MALAT1: variants seen among roughly 807,000 people sequenced by gnomAD.
The protein encoded by MALAT1 is metastasis associated lung adenocarcinoma transcript 1, also known as hepcarcin.
chr11:65,500,373 C>CT (rs1307416404), exon 3 of MALAT1: 1 of 518,896 alleles, frequency 1.9e-6, no homozygotes, highest in Non-Finnish European at 3.8e-6. Flanking sequence ...ATCCTGAGGA[C>CT]TAGCATTAAT....
chr11:65,504,804 TAATTCTTACATGCAGGAACAC>T, intron 3 of MALAT1: 1 of 519,022 alleles, frequency 1.9e-6, no homozygotes, highest in South Asian at 1.4e-5. Flanking sequence ...CCCTTGGTCT[TAATTCTTACATGCAGGAACAC>T]TCAGCAGACA....
In MALAT1 at chr11:65,502,528, T is replaced by C. The variant is rs80314015; in HGVS notation, n.3791T>C. On this transcript the variant is annotated non_coding_transcript_exon_variant, in exon 3 of 4. Coordinates refer to ENST00000619449, the Ensembl canonical transcript of MALAT1. ...TTGTAAATTGTTTATTTTAAACTTA[T>C]CTGTTTGTAAATTGTAACTGATTAA... 6.7e-4 allele frequency: 325 copies of C among 485,360 alleles called. 4 individuals carry two copies. In the East Asian group the frequency reaches 0.011, roughly 16 times the overall value. The allele number at this position is 485,360 out of a possible 1,614,324, so 30.1% of individuals were successfully genotyped here.
rs747111404 is a variant in MALAT1, at chr11:65,499,259, G to GAAAA, written n.522_523insAAAA. ...AGAGAAAATATGAAGACTTAGAAGA[G>GAAAA]TAGCATGAGGAAGGAAAAGATAAAA... On this transcript the variant is annotated non_coding_transcript_exon_variant, in exon 3 of 4. Transcript: ENST00000619449. 2.5e-4 allele frequency: 127 copies of GAAAA among 513,478 alleles called. 3 individuals carry two copies. The highest frequency in any genetic ancestry group is 1.6e-3 in the South Asian group (113 of 70,298). The allele number at this position is 513,478 out of a possible 1,614,324, so 31.8% of individuals were successfully genotyped here. A position where few individuals can be genotyped will look rare whatever the true frequency, so the allele number is the denominator to read the frequency against.
At chr11:65,499,860 CAA>C (rs559192526) in exon 3 of MALAT1, 157 of 422,342 alleles carry the variant, frequency 3.7e-4, no homozygotes, top group African/African-American at 2.7e-3. Context: ...AAGATAGAAA[CAA>C]GATAGAAAAT....
exon 3 of MALAT1, chr11:65,499,035 G>T (rs747758493): frequency 1.9e-6 from 1 of 518,668 alleles, no homozygotes; most frequent in Non-Finnish European, 3.8e-6. Flanking sequence ...CCTCGCCCGA[G>T]CTGTGCGGTA....
chr11:65,498,424 G>A (rs1490494642), intron 1 of MALAT1: 1 of 518,486 alleles, frequency 1.9e-6, no homozygotes, highest in African/African-American at 1.9e-5. Context: ...CAGCTCTGTG[G>A]TGTGGGATTG....
chr11:65,502,733 G>A (rs1267268187), exon 3 of MALAT1: 1 of 514,330 alleles, frequency 1.9e-6, no homozygotes, highest in Admixed American at 2.0e-5. Context: ...GATAAGTAAA[G>A]GCAGAAAAGA....
chr11:65,497,970 C>T (rs371385680), intron 1 of MALAT1: 4 of 518,930 alleles, frequency 7.7e-6, no homozygotes, highest in South Asian at 2.8e-5. Context: ...CTGGCCATTC[C>T]AGGTGGTGGT....
intron 1 of MALAT1, chr11:65,498,029 G>A (rs1327292782): frequency 1.9e-6 from 1 of 518,932 alleles, no homozygotes; most frequent in South Asian, 1.4e-5. Context: ...GGGGTTTGGA[G>A]GAAAGCTTTT....
chr11:65,500,928 C>CT (rs766516580), exon 3 of MALAT1: 1 of 513,032 alleles, frequency 1.9e-6, no homozygotes. Flanking sequence ...CTTTTTCAGG[C>CT]TTATACTCAT....
At chr11:65,498,437 G>T in intron 1 of MALAT1, 1 of 518,618 alleles carries the variant, frequency 1.9e-6, no homozygotes, top group Non-Finnish European at 3.8e-6. Context: ...TGGGATTGAG[G>T]CGTTTTCCAA....
chr11:65,504,681 A>G (rs913581896), intron 3 of MALAT1: 1 of 518,858 alleles, frequency 1.9e-6, no homozygotes, highest in East Asian at 5.4e-5. Flanking sequence ...ATCAGTGACA[A>G]GAAACATTCC....
At chr11:65,497,961 T>G (rs1449487194) in intron 1 of MALAT1, 5 of 518,878 alleles carry the variant, frequency 9.6e-6, no homozygotes, top group Non-Finnish European at 1.9e-5. Flanking sequence ...CCTTATAGGC[T>G]GGCCATTCCA....
intron 3 of MALAT1, chr11:65,504,782 T>G (rs1854641701): frequency 1.9e-6 from 1 of 518,868 alleles, no homozygotes; most frequent in African/African-American, 1.9e-5. Flanking sequence ...TGTGTGGGTT[T>G]CTCTCTCCCC....
exon 3 of MALAT1, chr11:65,502,036 C>G (rs779493635): frequency 7.0e-5 from 36 of 516,572 alleles, no homozygotes; most frequent in Non-Finnish European, 1.1e-4. Context: ...GTTTTTTTCC[C>G]CCCAGTTTGA....
exon 3 of MALAT1, chr11:65,499,287 T>C (rs1338480049): frequency 1.9e-6 from 1 of 513,154 alleles, no homozygotes; most frequent in Middle Eastern, 3.2e-4. Flanking sequence ...AGATAAAAGG[T>C]TTCTAAAACA....
chr11:65,499,982 C>A, exon 3 of MALAT1: 1 of 426,348 alleles, frequency 2.3e-6, no homozygotes, highest in Non-Finnish European at 4.6e-6. Context: ...TAAAATAGCA[C>A]TGAAAAAATG....
At chr11:65,502,917 T>G in exon 3 of MALAT1, 2 of 492,612 alleles carry the variant, frequency 4.1e-6, no homozygotes, top group South Asian at 3.0e-5. Context: ...ACAAAAATAA[T>G]GAATTGATGA....
exon 3 of MALAT1, chr11:65,501,137 G>A (rs1854536416): frequency 3.9e-6 from 2 of 513,874 alleles, no homozygotes; most frequent in East Asian, 5.5e-5. Context: ...TTTGTGAATA[G>A]ATGACCTGTT....
Sources: allele counts gnomAD v4.1 joint callset, GRCh38; gene constraint gnomAD v4.1.1; transcripts MANE v1.5; gene names NCBI Gene and HGNC (gene_info 2026-07-23, HGNC 2026-07-21).